DOCK9: variants seen among roughly 807,000 people sequenced by gnomAD.
DOCK9 encodes dedicator of cytokinesis 9.
In DOCK9, 89 loss-of-function variants were observed where a neutral mutation model predicts 263.3. The ratio of observed to expected loss-of-function variants is 0.34; its 90% CI spans 0.28 to 0.40. The LOEUF (loss-of-function observed/expected upper bound fraction) is 0.40, where lower values mean the gene tolerates loss of function less well. Among genes scored for constraint, DOCK9 ranks in the 10% least tolerant of loss-of-function variants. The pLI, the probability that DOCK9 is intolerant of heterozygous loss-of-function variation, is 1.00. For missense variants in DOCK9, 2,140 were observed against 2,603.4 expected (o/e 0.82, Z 3.87); for synonymous variants, 976 against 973.1 (o/e 1.00, Z -0.06).
chr13:98,796,799 C>T (rs1040693039), intron 52 of DOCK9, among the ~76,000 whole-genome samples: 4 of 152,272 alleles, frequency 2.6e-5, no homozygotes, highest in African/African-American at 7.2e-5. Context: ...TGGATATTTT[C>T]GTGTGAGTTT....
chr13:98,973,369 C>T (rs2059924602), intron 1 of DOCK9, among the ~76,000 whole-genome samples: 2 of 152,142 alleles, frequency 1.3e-5, no homozygotes, highest in East Asian at 1.9e-4. Flanking sequence ...CTCATTCCTC[C>T]TCTGTCTGAG....
intron 39 of DOCK9, among the ~76,000 whole-genome samples, chr13:98,835,651 C>A (rs962604965): frequency 2.6e-5 from 4 of 151,428 alleles, no homozygotes; most frequent in African/African-American, 9.7e-5. Context: ...CACATCTGAA[C>A]TCCTACTACC....
In DOCK9 at chr13:98,885,019, C is replaced by A. The variant is rs771391839; in HGVS notation, c.2334G>T (p.Ala778=). 4 of 1,613,612 alleles carry A rather than the reference C, an allele frequency of 2.5e-6. No homozygotes were observed. Among genetic ancestry groups the A allele is most frequent in the Non-Finnish European group, 3.4e-6 (4 of 1,179,770 alleles). ...VTSEQHIPVS[A]NLPSGYLGYQ... ...AGCCAAGATAGCCCGAAGGAAGGTTCGCCGAGACCGGGATGTGCTGCTCGC... is the reference window on the plus strand; with the variant it reads ...AGCCAAGATAGCCCGAAGGAAGGTTAGCCGAGACCGGGATGTGCTGCTCGC... The change falls in exon 21 of 53, where the codon GCG becomes GCT. Residue 778 remains alanine (A), a synonymous_variant. Coordinates refer to ENST00000682017, the MANE Select transcript of DOCK9 (RefSeq NM_001366683.2).
chr13:99,037,304 CAA>C (rs1327558553), intron 1 of DOCK9, among the ~76,000 whole-genome samples: 2 of 151,558 alleles, frequency 1.3e-5, no homozygotes, highest in Admixed American at 6.6e-5. Flanking sequence ...TTAAAAAATA[CAA>C]AAAAGATTGG....
At chr13:98,938,862 C>CT (rs1272698048) in intron 2 of DOCK9, among the ~76,000 whole-genome samples, 10 of 152,330 alleles carry the variant, frequency 6.6e-5, no homozygotes, top group Admixed American at 5.2e-4. Flanking sequence ...CACCCTTGCC[C>CT]TGGGACCATA....
chr13:99,084,606 G>A (rs552851145), intron 1 of DOCK9, among the ~76,000 whole-genome samples: 2 of 152,194 alleles, frequency 1.3e-5, no homozygotes, highest in African/African-American at 2.4e-5. Flanking sequence ...GCAGATATTC[G>A]GGGACTACTG....
chr13:98,849,578 G>A (rs189270325), intron 36 of DOCK9, among the ~76,000 whole-genome samples: 2 of 152,054 alleles, frequency 1.3e-5, no homozygotes, highest in South Asian at 2.1e-4. Flanking sequence ...GTAAATTCAC[G>A]TTTCTAAAAG....
At chr13:98,923,435 C>A in intron 4 of DOCK9, 64 bp from the exon 5 acceptor site, 2 of 1,377,506 alleles carry the variant, frequency 1.5e-6, no homozygotes, top group Middle Eastern at 1.8e-4. Flanking sequence ...CTTTGCATTT[C>A]TTCCTCCATC....
chr13:98,881,936 G>T lies in DOCK9; in HGVS notation c.2631C>A (p.Val877=). The T allele has an allele frequency of 6.3e-7, 1 of 1,598,540 alleles. No individual in the cohort carries two copies. Among genetic ancestry groups the T allele is most frequent in the Non-Finnish European group, 8.5e-7 (1 of 1,172,654 alleles). ...LPTILNQLFR[V]LTRATQEEVA... ...CTTCTTCCTGTGTGGCTCTGGTGAG[G>T]ACTCGGAACAGCTGGTTTAGGATAG... The change falls in exon 24 of 53, where the codon GTC becomes GTA. Residue 877 remains valine (V), a synonymous_variant. Transcript: ENST00000682017.
intron 1 of DOCK9, chr13:99,015,423 T>C (rs1885245263): frequency 1.7e-5 from 27 of 1,554,222 alleles, no homozygotes; most frequent in East Asian, 2.3e-5. Flanking sequence ...AAACTACTTG[T>C]TAATTAAGCA....
chr13:98,850,256 T>C (rs1257351993), intron 35 of DOCK9, 143 bp from the exon 36 acceptor site: 3 of 549,140 alleles, frequency 5.5e-6, no homozygotes, highest in Admixed American at 3.7e-5. Context: ...CCCTGCCCTC[T>C]TTTATAGCTG....
At chr13:99,078,050 C>T (rs966159762) in intron 1 of DOCK9, among the ~76,000 whole-genome samples, 1 of 151,936 alleles carries the variant, frequency 6.6e-6, no homozygotes, top group Non-Finnish European at 1.5e-5. Flanking sequence ...AATGACACTC[C>T]CCACTAAAAC....
upstream of DOCK9, among the ~76,000 whole-genome samples, chr13:98,982,399 C>G (rs1189384282): frequency 6.6e-6 from 1 of 152,226 alleles, no homozygotes; most frequent in African/African-American, 2.4e-5. Flanking sequence ...AGTTTAAATA[C>G]CATCTTCCCC....
chr13:98,905,483 G>A (rs1285960831), intron 9 of DOCK9, among the ~76,000 whole-genome samples: 4 of 152,164 alleles, frequency 2.6e-5, no homozygotes, highest in Admixed American at 1.3e-4. Flanking sequence ...ACTTGGCCAG[G>A]AAAGGAGAAA....
At position 98,940,238 on chromosome 13, in the gene DOCK9, C is replaced by G. The variant is rs536253219; in HGVS notation, c.244-9981G>C. Among the ~76,000 whole-genome samples, 4 of 152,250 alleles carry G rather than the reference C, an allele frequency of 2.6e-5. No homozygotes were observed. In the East Asian group the frequency reaches 7.7e-4, roughly 29 times the overall value. On this transcript the variant is annotated intron_variant, in intron 2 of 52. Coordinates refer to ENST00000682017, the MANE Select transcript of DOCK9 (RefSeq NM_001366683.2). ...CAGACAAATTCCATTTTCAGGCAAGCGTTGCCTAAAGAGCCTCGATGTTTA... is the reference window on the plus strand; with the variant it reads ...CAGACAAATTCCATTTTCAGGCAAGGGTTGCCTAAAGAGCCTCGATGTTTA...
At chr13:99,042,037 G>A (rs922362926) in intron 1 of DOCK9, among the ~76,000 whole-genome samples, 1 of 152,112 alleles carries the variant, frequency 6.6e-6, no homozygotes, top group Non-Finnish European at 1.5e-5. Context: ...AATTTGTTAC[G>A]GCAACCCTAG....
intron 1 of DOCK9, among the ~76,000 whole-genome samples, chr13:99,034,597 T>G (rs1014511717): frequency 1.3e-5 from 2 of 151,576 alleles, no homozygotes; most frequent in African/African-American, 4.8e-5. Flanking sequence ...GATGGAGAGG[T>G]GACAAAAAGA....
At chr13:98,869,634 A>G (rs2094137253) in intron 27 of DOCK9, among the ~76,000 whole-genome samples, 1 of 152,260 alleles carries the variant, frequency 6.6e-6, no homozygotes, top group Non-Finnish European at 1.5e-5. Context: ...AGAGCTCACT[A>G]AAAAGTACTA....
intron 1 of DOCK9, among the ~76,000 whole-genome samples, chr13:98,975,883 C>T (rs1015239293): frequency 1.3e-5 from 2 of 152,234 alleles, no homozygotes; most frequent in African/African-American, 4.8e-5. Context: ...ATGAATAGTA[C>T]TGCCACAAAC....
Sources: gnomAD v4.1 joint callset for allele counts (sites outside exome capture counted in the v4.1 genomes callset) on GRCh38, gnomAD v4.1.1 for gene constraint, MANE v1.5 for transcripts, NCBI Gene and HGNC (gene_info 2026-07-23, HGNC 2026-07-21) for gene names.